NBAS: variants seen among roughly 807,000 people sequenced by gnomAD.
The protein encoded by NBAS is NBAS subunit of NRZ tethering complex, also known as NAG/BC035112 fusion.
NBAS carries 219 observed loss-of-function variants against 302.5 expected under a neutral mutation model. The ratio of observed to expected loss-of-function variants is 0.72; its 90% confidence interval spans 0.65 to 0.81. The LOEUF is 0.81. NBAS is among the 30% of genes least tolerant of loss of function. NBAS has a pLI of 0.00. For missense variants in NBAS, 2,932 were observed against 2,841.6 expected (o/e 1.03, Z -0.72); for synonymous variants, 1,118 against 1,021.6 (o/e 1.09, Z -1.80).
intron 21 of NBAS, among the ~76,000 whole-genome samples, chr2:15,436,766 T>C (rs1678037374): frequency 6.6e-6 from 1 of 152,178 alleles, no homozygotes; most frequent in Admixed American, 6.5e-5. Context: ...ACTGCTGTCA[T>C]TGCACTGAAT....
In NBAS at chr2:15,238,562, G is replaced by T. The variant is rs1667712084; in HGVS notation, c.5849C>A (p.Thr1950Asn). Residue 1950 changes from threonine to asparagine, a missense_variant, in exon 45 of 52, where the codon ACC becomes AAC. Physicochemically the swap from Thr to Asn is moderately conservative, Grantham distance 65 (BLOSUM62 0). Coordinates refer to ENST00000281513, the MANE Select transcript of NBAS (RefSeq NM_015909.4). Reference sequence around the variant, plus strand: ...CAGATGATTCAAAGTATCTGCATAGGTAACTTTAGAATCCTTAGCTTCTTG... The same window carrying T: ...CAGATGATTCAAAGTATCTGCATAGTTAACTTTAGAATCCTTAGCTTCTTG... Reference protein sequence around the residue: ...EAQEAKDSKVTYADTLNHLEK... With the variant: ...EAQEAKDSKVNYADTLNHLEK... 6.2e-7 allele frequency: 1 copy of T among 1,613,904 alleles called. No homozygotes were observed. The highest frequency in any genetic ancestry group is 1.1e-5 in the South Asian group (1 of 91,066).
the NBAS span, among the ~76,000 whole-genome samples, chr2:14,807,784 G>A: frequency 2.6e-5 from 4 of 152,078 alleles, no homozygotes; most frequent in Non-Finnish European, 5.9e-5. Context: ...ACTTCTCTAA[G>A]ACTTGGCTTT....
At chr2:15,240,753 C>T (rs1008808142) in intron 44 of NBAS, among the ~76,000 whole-genome samples, 8 of 152,072 alleles carry the variant, frequency 5.3e-5, no homozygotes, top group African/African-American at 7.2e-5. Flanking sequence ...AAACAAGTTC[C>T]GTAGTCCCCA....
the NBAS span, among the ~76,000 whole-genome samples, chr2:14,825,550 G>A: frequency 1.6e-4 from 24 of 152,142 alleles, no homozygotes; most frequent in African/African-American, 4.8e-4. Flanking sequence ...AATGAGCCTC[G>A]TCTCTCAGAA....
At chr2:15,170,440 C>T (rs1030493363) in intron 51 of NBAS, among the ~76,000 whole-genome samples, 4 of 152,194 alleles carry the variant, frequency 2.6e-5, no homozygotes, top group Non-Finnish European at 5.9e-5. Flanking sequence ...TGCATGCTTC[C>T]TTCCCCTTGG....
intron 9 of NBAS, among the ~76,000 whole-genome samples, chr2:15,522,327 T>A (rs1447458461): frequency 6.6e-6 from 1 of 152,146 alleles, no homozygotes; most frequent in East Asian, 1.9e-4. Context: ...TTGAAGATCA[T>A]GAGTTGAGAA....
intron 28 of NBAS, among the ~76,000 whole-genome samples, chr2:15,389,344 C>G (rs1313951363): frequency 1.3e-5 from 2 of 152,238 alleles, no homozygotes; most frequent in Non-Finnish European, 2.9e-5. Context: ...AAACAAACAA[C>G]TTACACTCTA....
the NBAS span, among the ~76,000 whole-genome samples, chr2:14,895,930 A>G: frequency 6.6e-6 from 1 of 152,022 alleles, no homozygotes; most frequent in Non-Finnish European, 1.5e-5. Context: ...GGCACACTAG[A>G]AGCCCAAACC....
At chr2:15,281,958 T>C (rs946234888) in intron 42 of NBAS, among the ~76,000 whole-genome samples, 2 of 152,180 alleles carry the variant, frequency 1.3e-5, no homozygotes, top group Admixed American at 6.5e-5. Context: ...ATTTCTAGAT[T>C]TCTTCTTAGG....
At chr2:15,435,055 C>A (rs1352585796) in intron 21 of NBAS, among the ~76,000 whole-genome samples, 2 of 152,024 alleles carry the variant, frequency 1.3e-5, no homozygotes, top group Non-Finnish European at 2.9e-5. Context: ...ACTTCCAGAA[C>A]AAAGATAAAA....
chr2:15,444,234 T>C (rs182862153), intron 21 of NBAS, among the ~76,000 whole-genome samples: 1,879 of 150,322 alleles, frequency 0.012, 44 homozygotes, highest in African/African-American at 0.035. Context: ...GGAGGCATCA[T>C]ACTACCTGAC....
chr2:15,478,379 G>C (rs1680280745), intron 12 of NBAS, 90 bp from the exon 13 acceptor site: 1 of 923,808 alleles, frequency 1.1e-6, no homozygotes, highest in South Asian at 1.4e-5. Context: ...CAAATAAAGA[G>C]ATGACGCTTT....
chr2:15,294,663 C>CGTG, intron 40 of NBAS, among the ~76,000 whole-genome samples: 1 of 152,286 alleles, frequency 6.6e-6, no homozygotes, highest in Non-Finnish European at 1.5e-5. Flanking sequence ...CTGCCGTGGC[C>CGTG]TGCTGCTCTT....
At chr2:15,433,809 T>G (rs1677876956) in intron 21 of NBAS, among the ~76,000 whole-genome samples, 1 of 152,006 alleles carries the variant, frequency 6.6e-6, no homozygotes, top group South Asian at 2.1e-4. Flanking sequence ...TTAAAGAATT[T>G]CCCAGGGCCA....
the NBAS span, among the ~76,000 whole-genome samples, chr2:14,991,276 TAA>T: frequency 1.6e-4 from 24 of 150,020 alleles, no homozygotes; most frequent in Non-Finnish European, 2.8e-4. Flanking sequence ...AATTATAATT[TAA>T]AAAAAAAACC....
chr2:15,103,031 A>AAGGAAGGAAGGAAG, the NBAS span, among the ~76,000 whole-genome samples: 1 of 31,098 alleles, frequency 3.2e-5, no homozygotes, highest in African/African-American at 2.2e-4. Flanking sequence ...AAGGAAGGAA[A>AAGGAAGGAAGGAAG]GAGGGTCGGA....
At position 15,284,640 on chromosome 2, in the gene NBAS, A is replaced by T. The variant is rs138664260; in HGVS notation, c.5138+2433T>A. ...AAAACAAAACCCTAAAACAAACAAC[A>T]TTATTTCTCTTGCAACTTCCCAGTG... On this transcript the variant is annotated intron_variant, in intron 42 of 51. Transcript: ENST00000281513. Among the ~76,000 whole-genome samples the T allele has an allele frequency of 1.5e-3, 232 of 152,320 alleles. 2 individuals carry two copies. Among genetic ancestry groups the T allele is most frequent in the African/African-American group, 5.4e-3 (225 of 41,556 alleles).
chr2:14,999,544 T>C, the NBAS span, among the ~76,000 whole-genome samples: 1 of 152,038 alleles, frequency 6.6e-6, no homozygotes, highest in Non-Finnish European at 1.5e-5. Context: ...TAAAAGCATG[T>C]AGCGTTTTCC....
At chr2:14,952,357 A>G in the NBAS span, among the ~76,000 whole-genome samples, 26 of 152,234 alleles carry the variant, frequency 1.7e-4, no homozygotes, top group Admixed American at 1.4e-3. Flanking sequence ...GAAGAGGACA[A>G]AGATTATTTT....
Sources: allele counts gnomAD v4.1 joint callset (sites outside exome capture counted in the v4.1 genomes callset), GRCh38; gene constraint gnomAD v4.1.1; transcripts MANE v1.5; gene names NCBI Gene and HGNC (gene_info 2026-07-23, HGNC 2026-07-21).